The following FMN2 variants were observed in gnomAD, a reference collection of about 807,000 sequenced individuals.
FMN2 encodes the protein formin-2.
FMN2 carries 51 observed loss-of-function variants against 142.3 expected under a neutral mutation model. That is an observed-to-expected ratio of 0.36 (90% CI 0.29 to 0.45). FMN2 has a LOEUF of 0.45. Ranked by LOEUF, FMN2 falls within the 20% of genes least tolerant of loss-of-function variation. The pLI is 1.00. For synonymous variants in FMN2, 882 were observed against 869.8 expected (o/e 1.01, Z -0.25); for missense variants, 1,936 against 2,122.8 (o/e 0.91, Z 1.73).
chr1:240,346,372 G>A (rs867648995), intron 13 of FMN2, among the ~76,000 whole-genome samples: 1 of 151,680 alleles, frequency 6.6e-6, no homozygotes, highest in Non-Finnish European at 1.5e-5. Context: ...TACAAATGTG[G>A]TATCTCTCTC....
chr1:240,225,335 G>C (rs571766893), intron 6 of FMN2, among the ~76,000 whole-genome samples: 4 of 152,302 alleles, frequency 2.6e-5, no homozygotes, highest in East Asian at 1.9e-4. Flanking sequence ...CTCAGCCCCA[G>C]TGGTTAAGGG....
chr1:240,394,866 G>A (rs1673722255), intron 15 of FMN2, among the ~76,000 whole-genome samples: 1 of 152,110 alleles, frequency 6.6e-6, no homozygotes, highest in African/African-American at 2.4e-5. Context: ...TACTCAGAAG[G>A]CTGAGGCAGG....
At chr1:240,293,353 A>G (rs1452991714) in intron 7 of FMN2, among the ~76,000 whole-genome samples, 1 of 152,142 alleles carries the variant, frequency 6.6e-6, no homozygotes, top group African/African-American at 2.4e-5. Context: ...CTTATCATGT[A>G]GAGAATTACT....
intron 2 of FMN2, among the ~76,000 whole-genome samples, chr1:240,127,147 T>C (rs544612023): frequency 7.2e-6 from 1 of 139,484 alleles, no homozygotes; most frequent in Non-Finnish European, 1.5e-5. Context: ...TGAAACGGAG[T>C]CTCGCTCTAT....
At chr1:240,299,584 A>G (rs139382093) in intron 8 of FMN2, among the ~76,000 whole-genome samples, 5 of 152,292 alleles carry the variant, frequency 3.3e-5, no homozygotes, top group African/African-American at 1.2e-4. Flanking sequence ...ACAATGGTTT[A>G]AATTCAAACG....
chr1:240,220,136 A>G (rs1667050849), intron 6 of FMN2, among the ~76,000 whole-genome samples: 1 of 152,186 alleles, frequency 6.6e-6, no homozygotes, highest in African/African-American at 2.4e-5. Flanking sequence ...CAACAACTTA[A>G]CTGGTGAGAA....
chr1:240,184,759 T>A (rs1213568730), intron 3 of FMN2, among the ~76,000 whole-genome samples: 1 of 150,478 alleles, frequency 6.6e-6, no homozygotes, highest in Non-Finnish European at 1.5e-5. Context: ...AACGTGGGAG[T>A]CGGGAGTTCC....
chr1:240,442,749 A>G (rs995826494), intron 16 of FMN2, among the ~76,000 whole-genome samples: 8 of 152,200 alleles, frequency 5.3e-5, no homozygotes, highest in African/African-American at 1.9e-4. Flanking sequence ...CTTCATCCTG[A>G]TGACGCATGT....
intron 14 of FMN2, among the ~76,000 whole-genome samples, chr1:240,358,908 G>T (rs1056124591): frequency 6.6e-6 from 1 of 152,126 alleles, no homozygotes; most frequent in Non-Finnish European, 1.5e-5. Context: ...AGGCTGAGGT[G>T]CGCAGGTCAC....
At chr1:240,330,579 T>C (rs1671342904) in intron 10 of FMN2, 24 bp from the exon 11 acceptor site, 1 of 1,603,338 alleles carries the variant, frequency 6.2e-7, no homozygotes, top group African/African-American at 1.4e-5. Context: ...AAAAGTTGTT[T>C]TTTGTTGTTA....
At chr1:240,374,067 A>T (rs1591529) in intron 14 of FMN2, among the ~76,000 whole-genome samples, 73,051 of 151,992 alleles carry the variant, frequency 0.48, 17,804 homozygotes, top group East Asian at 0.59. Flanking sequence ...CTTTTGGGTG[A>T]CCAGGTTCAT....
intron 2 of FMN2, among the ~76,000 whole-genome samples, chr1:240,173,655 AGTTGGG>A (rs1161176632): frequency 9.2e-5 from 14 of 152,104 alleles, no homozygotes; most frequent in African/African-American, 3.1e-4. Context: ...TAAGTTGAAG[AGTTGGG>A]ATTTGATTCT....
chr1:240,299,738 G>T (rs765881750), intron 8 of FMN2, among the ~76,000 whole-genome samples: 2 of 151,884 alleles, frequency 1.3e-5, no homozygotes, highest in East Asian at 3.9e-4. Context: ...TTGAGTGTCC[G>T]CTGGACTGAA....
chr1:240,393,830 G>A (rs1191076462), intron 15 of FMN2, among the ~76,000 whole-genome samples: 1 of 152,202 alleles, frequency 6.6e-6, no homozygotes, highest in East Asian at 1.9e-4. Context: ...GATCAAACCA[G>A]CCACAATAGT....
chr1:240,134,032 T>G (rs1662841339), intron 2 of FMN2, among the ~76,000 whole-genome samples: 1 of 152,222 alleles, frequency 6.6e-6, no homozygotes, highest in Non-Finnish European at 1.5e-5. Flanking sequence ...AAATTTTTCA[T>G]GTCTAATAAT....
At chr1:240,199,771 C>T (rs1376898563) in intron 4 of FMN2, among the ~76,000 whole-genome samples, 3 of 152,248 alleles carry the variant, frequency 2.0e-5, no homozygotes, top group Non-Finnish European at 2.9e-5. Context: ...ATCTATAAAG[C>T]ATATTAATTA....
intron 2 of FMN2, among the ~76,000 whole-genome samples, chr1:240,133,917 G>C (rs1662838105): frequency 2.6e-5 from 4 of 152,194 alleles, no homozygotes; most frequent in African/African-American, 9.7e-5. Flanking sequence ...TTACCTGACA[G>C]ATCTCCCCAG....
At chr1:240,191,919 T>C (rs1665714528) in intron 4 of FMN2, among the ~76,000 whole-genome samples, 1 of 152,218 alleles carries the variant, frequency 6.6e-6, no homozygotes, top group Non-Finnish European at 1.5e-5. Flanking sequence ...AGTCAGGTCT[T>C]TGAACATTAT....
At chr1:240,153,390 T>TC (rs1244491121) in intron 2 of FMN2, among the ~76,000 whole-genome samples, 1 of 150,274 alleles carries the variant, frequency 6.7e-6, no homozygotes, top group African/African-American at 2.4e-5. Context: ...TTACAGTTTT[T>TC]TTTTTTTTTT....
Sources: gnomAD v4.1 joint callset for allele counts (sites outside exome capture counted in the v4.1 genomes callset) on GRCh38, gnomAD v4.1.1 for gene constraint, MANE v1.5 for transcripts, NCBI Gene and HGNC (gene_info 2026-07-23, HGNC 2026-07-21) for gene names.